The following CCNYL1 variants were observed in gnomAD, a reference collection of about 807,000 sequenced individuals.
CCNYL1 encodes cyclin-Y-like protein 1.
Under a neutral mutation model 44.2 loss-of-function variants are expected in CCNYL1, and 16 were observed. The observed-to-expected ratio is 0.36, with a 90% CI of 0.25 to 0.55. The LOEUF (loss-of-function observed/expected upper bound fraction) is 0.55, where lower values mean the gene tolerates loss of function less well. Ranked by LOEUF, CCNYL1 falls within the 20% of genes least tolerant of loss-of-function variation. The probability of loss-of-function intolerance (pLI) is 0.85; values close to 1 mark genes in which losing one functional copy is unlikely to be tolerated. For missense variants in CCNYL1, 348 were observed against 451.8 expected (o/e 0.77, Z 2.08); for synonymous variants, 159 against 163.2 (o/e 0.97, Z 0.20).
At chr2:207,728,633 C>T (rs2091698471) in intron 3 of CCNYL1, among the ~76,000 whole-genome samples, 1 of 152,076 alleles carries the variant, frequency 6.6e-6, no homozygotes, top group Non-Finnish European at 1.5e-5. Context: ...TTTCATAGTT[C>T]TGAAGACATT....
chr2:207,739,235 T>A (rs1345314216), intron 5 of CCNYL1, among the ~76,000 whole-genome samples: 1 of 152,170 alleles, frequency 6.6e-6, no homozygotes, highest in Non-Finnish European at 1.5e-5. Context: ...TAAAACTTTT[T>A]ATTTATTTAT....
chr2:207,715,196 A>T (rs894575103), intron 1 of CCNYL1, among the ~76,000 whole-genome samples: 3 of 152,084 alleles, frequency 2.0e-5, no homozygotes, highest in Non-Finnish European at 4.4e-5. Context: ...TGAACCCAGG[A>T]GGCAGAGGTT....
At chr2:207,738,419 C>T (rs2091781863) in intron 5 of CCNYL1, among the ~76,000 whole-genome samples, 1 of 152,098 alleles carries the variant, frequency 6.6e-6, no homozygotes, top group African/African-American at 2.4e-5. Flanking sequence ...TGGAGTTTTG[C>T]CATGTTGACC....
chr2:207,752,600 C>T (rs2091901822), intron 9 of CCNYL1, among the ~76,000 whole-genome samples: 1 of 151,708 alleles, frequency 6.6e-6, no homozygotes, highest in Non-Finnish European at 1.5e-5. Context: ...CTTTATGGGG[C>T]AAAGTAATAT....
chr2:207,719,537 G>A (rs1164659845), intron 1 of CCNYL1, among the ~76,000 whole-genome samples: 1 of 152,128 alleles, frequency 6.6e-6, no homozygotes, highest in East Asian at 1.9e-4. Flanking sequence ...CTGACCTCAG[G>A]TGATCTGCCC....
chr2:207,730,651 G>A (rs2091719529), intron 3 of CCNYL1, among the ~76,000 whole-genome samples: 3 of 152,050 alleles, frequency 2.0e-5, no homozygotes, highest in Admixed American at 6.5e-5. Flanking sequence ...CCAGCTGCTC[G>A]GGAGGCTGAG....
At chr2:207,712,682 T>C (rs2091560716) in intron 1 of CCNYL1, among the ~76,000 whole-genome samples, 1 of 152,190 alleles carries the variant, frequency 6.6e-6, no homozygotes, top group African/African-American at 2.4e-5. Flanking sequence ...ATGGTATTCC[T>C]AATAGGTTAA....
chr2:207,734,652 A>G (rs2091751877), intron 4 of CCNYL1, among the ~76,000 whole-genome samples: 1 of 152,172 alleles, frequency 6.6e-6, no homozygotes, highest in Non-Finnish European at 1.5e-5. Flanking sequence ...ATGAGCGTTG[A>G]TTTTCAGAAC....
At chr2:207,750,541 A>G (rs989903434) in intron 8 of CCNYL1, 9 of 153,644 alleles carry the variant, frequency 5.9e-5, no homozygotes, top group South Asian at 2.1e-4. Context: ...CTCTACTTCA[A>G]TAAGCCCCTT....
At chr2:207,720,413 T>C (rs1275166067) in intron 1 of CCNYL1, among the ~76,000 whole-genome samples, 2 of 151,718 alleles carry the variant, frequency 1.3e-5, no homozygotes, top group Non-Finnish European at 2.9e-5. Flanking sequence ...TTTTTTCTTT[T>C]CTCTGTATGA....
chr2:207,733,490 A>C (rs528658109), intron 3 of CCNYL1, among the ~76,000 whole-genome samples: 42 of 152,328 alleles, frequency 2.8e-4, no homozygotes, highest in African/African-American at 8.2e-4. Context: ...CTCCTGAACT[A>C]ATACGTTTAA....
At chr2:207,749,485 C>T (rs1276297094) in intron 8 of CCNYL1, among the ~76,000 whole-genome samples, 1 of 152,062 alleles carries the variant, frequency 6.6e-6, no homozygotes, top group Non-Finnish European at 1.5e-5. Context: ...TATTCAGCCA[C>T]CTAGCCATTT....
At chr2:207,726,024 A>G (rs2091677762) in intron 2 of CCNYL1, among the ~76,000 whole-genome samples, 1 of 152,120 alleles carries the variant, frequency 6.6e-6, no homozygotes, top group African/African-American at 2.4e-5. Flanking sequence ...TCTGGTTAGG[A>G]TAGTTGTATT....
At chr2:207,713,881 C>G (rs748509166) in intron 1 of CCNYL1, among the ~76,000 whole-genome samples, 2 of 152,184 alleles carry the variant, frequency 1.3e-5, no homozygotes, top group South Asian at 2.1e-4. Context: ...ACTTAATGCT[C>G]TCTTAGTGGT....
At chr2:207,751,930 G>T (rs1202893203) in intron 9 of CCNYL1, among the ~76,000 whole-genome samples, 1 of 151,992 alleles carries the variant, frequency 6.6e-6, no homozygotes, top group Non-Finnish European at 1.5e-5. Context: ...AGCTACTTGG[G>T]AGGCTGAGGC....
chr2:207,753,352 T>TAATA (rs2091908427), intron 9 of CCNYL1, among the ~76,000 whole-genome samples: 1 of 152,196 alleles, frequency 6.6e-6, no homozygotes, highest in Non-Finnish European at 1.5e-5. Flanking sequence ...TTTAATAATA[T>TAATA]AATAAATTCC....
intron 1 of CCNYL1, among the ~76,000 whole-genome samples, chr2:207,723,064 C>T (rs186729637): frequency 4.2e-4 from 64 of 152,082 alleles, no homozygotes; most frequent in South Asian, 8.3e-4. Context: ...AAAATTGTCA[C>T]GTCATCTTTT....
At chr2:207,730,007 C>T (rs1202343951) in intron 3 of CCNYL1, among the ~76,000 whole-genome samples, 1 of 152,068 alleles carries the variant, frequency 6.6e-6, no homozygotes, top group Non-Finnish European at 1.5e-5. Flanking sequence ...GTCACTGTGC[C>T]CTGCTGGATG....
chr2:207,734,664 C>G (rs1442264899), intron 4 of CCNYL1, among the ~76,000 whole-genome samples: 1 of 152,192 alleles, frequency 6.6e-6, no homozygotes, highest in East Asian at 1.9e-4. Context: ...TTTCAGAACA[C>G]CGTTGGGAAG....
Sources: allele counts gnomAD v4.1 joint callset (sites outside exome capture counted in the v4.1 genomes callset), GRCh38; gene constraint gnomAD v4.1.1; transcripts MANE v1.5; gene names NCBI Gene and HGNC (gene_info 2026-07-23, HGNC 2026-07-21).